FOCAD: variants seen among roughly 807,000 people sequenced by gnomAD.
The protein encoded by FOCAD is KIAA1797.
In FOCAD, 198 loss-of-function variants were observed where a neutral mutation model predicts 225.6. That is an observed-to-expected ratio of 0.88 (90% CI 0.78 to 0.99). The LOEUF (loss-of-function observed/expected upper bound fraction) is 0.99, where lower values mean the gene tolerates loss of function less well. Among genes scored for constraint, FOCAD ranks in the 50% least tolerant of loss-of-function variants. The probability of loss-of-function intolerance (pLI) is 0.00; values close to 1 mark genes in which losing one functional copy is unlikely to be tolerated. For missense variants in FOCAD, 2,713 were observed against 2,123.6 expected, an observed-to-expected ratio of 1.28 and a Z score of -5.46; for synonymous variants, 897 against 755.0, an observed-to-expected ratio of 1.19 and a Z score of -3.08.
At chr9:20,974,302 G>T (rs1306657066) in intron 35 of FOCAD, among the ~76,000 whole-genome samples, 1 of 131,706 alleles carries the variant, frequency 7.6e-6, no homozygotes, top group Non-Finnish European at 1.6e-5. Flanking sequence ...TTCAGCATCT[G>T]TTCATGGCCT....
intron 2 of FOCAD, among the ~76,000 whole-genome samples, chr9:20,663,173 A>C (rs1420247372): frequency 6.6e-6 from 1 of 152,046 alleles, no homozygotes; most frequent in Non-Finnish European, 1.5e-5. Flanking sequence ...GATTGCTTAA[A>C]GTTAGGAGTT....
At chr9:20,691,203 A>G (rs1822955798) in intron 1 of FOCAD, among the ~76,000 whole-genome samples, 1 of 152,152 alleles carries the variant, frequency 6.6e-6, no homozygotes, top group South Asian at 2.1e-4. Context: ...TTGGCCTCCC[A>G]AAGTGCTGGG....
Position 20,981,535 on chromosome 9 carries a change from C to T in FOCAD, c.4487C>T (p.Ala1496Val), listed in dbSNP as rs1840699004. 1 of 1,614,022 alleles carries T rather than the reference C, an allele frequency of 6.2e-7. No individual in the cohort carries two copies. Among genetic ancestry groups the T allele is most frequent in the Non-Finnish European group, 8.5e-7 (1 of 1,180,000 alleles). ...VENLMVAVFK[A>V]ASPLGSPELC... ...AATTTAATGGTGGCAGTTTTTAAAG[C>T]AGCTTCCCCACTTGGAAGTCCTGAG... The change falls in exon 38 of 44, where the codon GCA (alanine) becomes GTA (valine). Residue 1496 changes from alanine to valine, a missense_variant. Coordinates refer to ENST00000338382, the MANE Select transcript of FOCAD (RefSeq NM_001375567.1).
intron 21 of FOCAD, among the ~76,000 whole-genome samples, chr9:20,905,555 G>C (rs551785282): frequency 6.6e-6 from 1 of 152,142 alleles, no homozygotes; most frequent in African/African-American, 2.4e-5. Flanking sequence ...CATTTTGGTT[G>C]TGGTGATTGA....
chr9:20,791,708 T>C (rs1465309630), intron 11 of FOCAD, among the ~76,000 whole-genome samples: 1 of 152,182 alleles, frequency 6.6e-6, no homozygotes, highest in Admixed American at 6.5e-5. Flanking sequence ...GGACTAACCA[T>C]CATGATGGGA....
At chr9:20,903,715 C>T (rs940276015) in intron 21 of FOCAD, among the ~76,000 whole-genome samples, 4 of 151,798 alleles carry the variant, frequency 2.6e-5, no homozygotes, top group African/African-American at 7.3e-5. Flanking sequence ...AGGACCTTTG[C>T]GTTACCATTT....
At chr9:20,768,553 A>T (rs1226797322) in intron 7 of FOCAD, among the ~76,000 whole-genome samples, 5 of 151,848 alleles carry the variant, frequency 3.3e-5, no homozygotes, top group Non-Finnish European at 5.9e-5. Context: ...ATCCCTTGTA[A>T]GTTGGATTCC....
At chr9:20,707,945 C>T (rs987290193) in intron 1 of FOCAD, among the ~76,000 whole-genome samples, 3 of 152,006 alleles carry the variant, frequency 2.0e-5, no homozygotes, top group African/African-American at 7.3e-5. Flanking sequence ...AGAGAGGGTA[C>T]ATGGAAATAC....
chr9:20,747,909 TTTAG>T (rs531859135), intron 5 of FOCAD, among the ~76,000 whole-genome samples: 375 of 151,956 alleles, frequency 2.5e-3, no homozygotes, highest in Non-Finnish European at 3.8e-3. Flanking sequence ...TTTAGAGTAG[TTTAG>T]TTATTGTTTT....
At chr9:20,791,237 T>TCTCA (rs1554684392) in intron 11 of FOCAD, among the ~76,000 whole-genome samples, 7 of 148,492 alleles carry the variant, frequency 4.7e-5, no homozygotes, top group Non-Finnish European at 1.0e-4. Flanking sequence ...ACACACACAC[T>TCTCA]CACACACACA....
At chr9:20,673,145 G>A (rs1003570491) in intron 2 of FOCAD, among the ~76,000 whole-genome samples, 18 of 152,146 alleles carry the variant, frequency 1.2e-4, no homozygotes, top group Admixed American at 3.3e-4. Flanking sequence ...AGACAGAAAT[G>A]GAAGAGGAGG....
chr9:20,975,910 A>G (rs978875106), intron 35 of FOCAD, among the ~76,000 whole-genome samples: 1 of 152,176 alleles, frequency 6.6e-6, no homozygotes, highest in Non-Finnish European at 1.5e-5. Flanking sequence ...TTAGGAAGAG[A>G]AGGAGGATGG....
chr9:20,662,386 T>A (rs993868602), intron 2 of FOCAD, among the ~76,000 whole-genome samples: 1 of 152,130 alleles, frequency 6.6e-6, no homozygotes, highest in African/African-American at 2.4e-5. Context: ...TTAGCCAAAG[T>A]CATGCCCTTC....
chr9:20,976,694 A>G (rs1416564918), intron 36 of FOCAD, 146 bp downstream of exon 36: 6 of 868,634 alleles, frequency 6.9e-6, no homozygotes. Context: ...TGGCTGGGTT[A>G]CTTTCACTCA....
intron 1 of FOCAD, among the ~76,000 whole-genome samples, chr9:20,701,795 T>G (rs1823975886): frequency 6.6e-6 from 1 of 152,238 alleles, no homozygotes. Flanking sequence ...ATGTAATGTT[T>G]GCGCATTAGA....
chr9:20,871,847 A>C (rs1292485512), intron 18 of FOCAD, among the ~76,000 whole-genome samples: 3 of 150,304 alleles, frequency 2.0e-5, no homozygotes, highest in African/African-American at 4.9e-5. Context: ...AGCATGGCAC[A>C]TGTATACATA....
chr9:20,770,860 C>T (rs753247925), intron 8 of FOCAD, among the ~76,000 whole-genome samples: 7 of 152,134 alleles, frequency 4.6e-5, no homozygotes, highest in Non-Finnish European at 7.3e-5. Flanking sequence ...TTAAAGATCA[C>T]CACTGTGACT....
chr9:20,904,086 A>G (rs1224028794), intron 21 of FOCAD, among the ~76,000 whole-genome samples: 1 of 151,964 alleles, frequency 6.6e-6, no homozygotes, highest in Non-Finnish European at 1.5e-5. Flanking sequence ...GTGTATCAGT[A>G]CTTCATTCTT....
intron 3 of FOCAD, among the ~76,000 whole-genome samples, chr9:20,719,163 C>A (rs188863868): frequency 6.6e-6 from 1 of 152,068 alleles, no homozygotes; most frequent in African/African-American, 2.4e-5. Context: ...CTCACTGCAA[C>A]TTCTGCCTCC....
Sources: gnomAD v4.1 joint callset for allele counts (sites outside exome capture counted in the v4.1 genomes callset) on GRCh38, gnomAD v4.1.1 for gene constraint, MANE v1.5 for transcripts, NCBI Gene and HGNC (gene_info 2026-07-23, HGNC 2026-07-21) for gene names.